Variants in PCDHA9 observed in about 807,000 individuals in gnomAD.
The protein encoded by PCDHA9 is protocadherin alpha 9.
PCDHA9 carries 62 observed loss-of-function variants against 62.0 expected under a neutral mutation model. The observed-to-expected ratio is 1.00, with a 90% CI of 0.81 to 1.23. The LOEUF (loss-of-function observed/expected upper bound fraction) is 1.23. Among genes scored for constraint, PCDHA9 ranks in the 50% most tolerant of loss-of-function variants. PCDHA9 has a pLI of 0.00. For missense variants in PCDHA9, 1,205 were observed against 1,249.8 expected, an observed-to-expected ratio of 0.96 and a Z score of 0.54; for synonymous variants, 557 against 567.6, an observed-to-expected ratio of 0.98 and a Z score of 0.27.
intron 1 of PCDHA9, among the ~76,000 whole-genome samples, chr5:140,896,714 T>C (rs1554187081): frequency 6.6e-6 from 1 of 152,180 alleles, no homozygotes; most frequent in African/African-American, 2.4e-5. Flanking sequence ...TGTTTTTTGC[T>C]TGTTAATTTG....
At chr5:140,952,160 G>A (rs952147312) in intron 1 of PCDHA9, among the ~76,000 whole-genome samples, 1 of 152,044 alleles carries the variant, frequency 6.6e-6, no homozygotes, top group Non-Finnish European at 1.5e-5. Context: ...GGCTTTGTGG[G>A]GTTCAGTTCC....
At chr5:140,884,659 A>G in intron 1 of PCDHA9, 1 of 1,597,068 alleles carries the variant, frequency 6.3e-7, no homozygotes, top group Non-Finnish European at 8.5e-7. Flanking sequence ...AATGCTTGAA[A>G]GAGGTAAGCT....
rs73266040 is a variant in PCDHA9 at position 140,926,675 on chromosome 5, C to G, written c.2395-52274C>G. 1.5e-3 allele frequency: 923 copies of G among 601,544 alleles called. 7 individuals carry two copies. The African/African-American group carries it at 0.016, about 11-fold the overall frequency. The allele number at this position is 601,544 out of a possible 1,614,324, so 37.3% of individuals were successfully genotyped here. ...TCCGCTTTCCCAGACGGCTGCCCAG[C>G]CTCCAGCCTAGCAAGCCCGGCTCCC... On this transcript the variant is annotated intron_variant, in intron 1 of 3. Coordinates refer to ENST00000532602, the MANE Select transcript of PCDHA9 (RefSeq NM_031857.2).
intron 1 of PCDHA9, among the ~76,000 whole-genome samples, chr5:140,872,587 A>AC (rs777810037): frequency 6.0e-4 from 91 of 152,014 alleles, no homozygotes; most frequent in Middle Eastern, 3.4e-3. Flanking sequence ...TCATCGTGAG[A>AC]CCCCCATCTG....
chr5:140,929,159 A>G lies in PCDHA9; in HGVS notation c.2395-49790A>G, dbSNP rs781818133. The G allele has an allele frequency of 1.7e-5, 27 of 1,613,968 alleles. No homozygotes were observed. Among genetic ancestry groups the G allele is most frequent in the South Asian group, 1.4e-4 (13 of 91,088 alleles). On this transcript the variant is annotated intron_variant, in intron 1 of 3. Coordinates refer to ENST00000532602, the MANE Select transcript of PCDHA9 (RefSeq NM_031857.2). The stretch of plus-strand genomic sequence containing the variant: ...GAGAGACTTTCTCAGACTTATCTCT[A>G]TCGGGCCTCTCTGGGACTTGGTTCT...
chr5:140,884,295 C>T, intron 1 of PCDHA9: 3 of 1,613,680 alleles, frequency 1.9e-6, no homozygotes, highest in South Asian at 2.2e-5. Context: ...GGCCAAGCGC[C>T]ACAGGCTTCG....
chr5:140,913,082 C>G (rs2076197049), intron 1 of PCDHA9, among the ~76,000 whole-genome samples: 1 of 152,108 alleles, frequency 6.6e-6, no homozygotes, highest in African/African-American at 2.4e-5. Context: ...TGTTTGGTAT[C>G]AGGATAATAC....
intron 1 of PCDHA9, chr5:140,928,137 C>A (rs537220203): frequency 6.2e-7 from 1 of 1,614,182 alleles, no homozygotes; most frequent in South Asian, 1.1e-5. Flanking sequence ...AAGTCCTGAT[C>A]ACGGCCTCAG....
In PCDHA9 at chr5:141,012,013, G is replaced by A. The variant is rs181445737; in HGVS notation, c.*2076G>A. 25 of 153,796 alleles carry A rather than the reference G, an allele frequency of 1.6e-4. No homozygotes were observed. The highest frequency in any genetic ancestry group is 2.1e-4 in the South Asian group (1 of 4,818). 9.5% of individuals were successfully genotyped at this position (153,796 alleles called of 1,614,324 possible). A position where few individuals can be genotyped will look rare whatever the true frequency, so the allele number is the denominator to read the frequency against. ...CATTCTCCCATATTTTGAAGGGTGTGTAACTTCAGCTCTGCAGGATTGCAT... is the reference window on the plus strand; with the variant it reads ...CATTCTCCCATATTTTGAAGGGTGTATAACTTCAGCTCTGCAGGATTGCAT... On this transcript the variant is annotated 3_prime_UTR_variant, in exon 4 of 4. Transcript: ENST00000532602.
At position 140,883,268 on chromosome 5, in the gene PCDHA9, T is replaced by C. The variant is rs782069573; in HGVS notation, c.2394+32379T>C. 3 of 1,613,912 alleles carry C rather than the reference T, an allele frequency of 1.9e-6. No homozygotes were observed. The African/African-American group carries it at 4.0e-5, about 22-fold the overall frequency. On this transcript the variant is annotated intron_variant, in intron 1 of 3. Coordinates refer to ENST00000532602, the MANE Select transcript of PCDHA9 (RefSeq NM_031857.2). ...AGGAAATATTCCAATGGCGGGTCAT[T>C]GTACCCTTTTGGTGGAAGTACTAGA...
intron 1 of PCDHA9, chr5:140,876,989 G>T (rs781957201): frequency 1.2e-6 from 2 of 1,612,664 alleles, no homozygotes; most frequent in South Asian, 1.1e-5. Context: ...GCACTGTCGA[G>T]CTACGTGTCG....
At chr5:140,853,620 T>C (rs2042810253) in intron 1 of PCDHA9, 2 of 988,130 alleles carry the variant, frequency 2.0e-6, no homozygotes, top group African/African-American at 1.8e-5. Context: ...TGTAAATAAG[T>C]ATACAAGATC....
intron 1 of PCDHA9, chr5:140,870,801 G>A: frequency 6.2e-7 from 1 of 1,613,670 alleles, no homozygotes; most frequent in Non-Finnish European, 8.5e-7. Context: ...CACTGCTGGC[G>A]ACTCAGGCTG....
chr5:140,857,971 G>C (rs1554150955), intron 1 of PCDHA9: 3 of 1,596,810 alleles, frequency 1.9e-6, no homozygotes, highest in Non-Finnish European at 2.6e-6. Flanking sequence ...AGACTGACTC[G>C]CCACGCCAGC....
At chr5:140,966,747 C>T (rs2096048243) in intron 1 of PCDHA9, 3 of 1,426,904 alleles carry the variant, frequency 2.1e-6, no homozygotes, top group Admixed American at 5.5e-5. Flanking sequence ...GCCCGGCTGC[C>T]TCCGCCGCGG....
intron 1 of PCDHA9, among the ~76,000 whole-genome samples, chr5:140,873,864 T>C (rs1275090016): frequency 6.6e-6 from 1 of 152,210 alleles, no homozygotes; most frequent in African/African-American, 2.4e-5. Context: ...TTTCACCATG[T>C]TGGCCAGGCT....
intron 1 of PCDHA9, among the ~76,000 whole-genome samples, chr5:140,907,826 C>T (rs1448630927): frequency 6.6e-6 from 1 of 152,192 alleles, no homozygotes; most frequent in Non-Finnish European, 1.5e-5. Context: ...TCATCCTATC[C>T]ACTTGTTTAT....
At chr5:140,887,961 G>A (rs1311969868) in intron 1 of PCDHA9, among the ~76,000 whole-genome samples, 1 of 151,770 alleles carries the variant, frequency 6.6e-6, no homozygotes, top group African/African-American at 2.4e-5. Flanking sequence ...GATTCTTTTT[G>A]TCTCTTTTAA....
chr5:140,870,623 T>C, intron 1 of PCDHA9: 1 of 1,613,108 alleles, frequency 6.2e-7, no homozygotes. Context: ...TCGAGCTACG[T>C]GTCGGTGCAC....
Sources: gnomAD v4.1 joint callset for allele counts (sites outside exome capture counted in the v4.1 genomes callset) on GRCh38, gnomAD v4.1.1 for gene constraint, MANE v1.5 for transcripts, NCBI Gene and HGNC (gene_info 2026-07-23, HGNC 2026-07-21) for gene names.